The following SDK1 variants were observed in gnomAD, a reference collection of about 807,000 sequenced individuals.
SDK1 encodes protein sidekick-1.
Under a neutral mutation model 245.5 loss-of-function variants are expected in SDK1, and 157 were observed. The observed-to-expected ratio is 0.64, with a 90% CI of 0.56 to 0.73. SDK1 has a LOEUF of 0.73. SDK1 is among the 30% of genes least tolerant of loss of function. The pLI is 0.00. For synonymous variants in SDK1, 1,647 were observed against 1,278.5 expected, an observed-to-expected ratio of 1.29 and a Z score of -6.15; for missense variants, 3,583 against 3,002.3, an observed-to-expected ratio of 1.19 and a Z score of -4.52.
At chr7:3,845,488 C>CAAAAAAAA (rs369588343) in intron 5 of SDK1, among the ~76,000 whole-genome samples, 2 of 40,192 alleles carry the variant, frequency 5.0e-5, no homozygotes, top group African/African-American at 1.7e-4. Flanking sequence ...GACTCCGTCT[C>CAAAAAAAA]AAAAAAAAAA....
intron 1 of SDK1, among the ~76,000 whole-genome samples, chr7:3,565,351 T>C (rs1362019604): frequency 6.6e-6 from 1 of 152,156 alleles, no homozygotes; most frequent in African/African-American, 2.4e-5. Flanking sequence ...GAGATTGAAA[T>C]GGAGTTTGAG....
chr7:3,922,187 A>G (rs1271050953), intron 5 of SDK1, among the ~76,000 whole-genome samples: 1 of 151,822 alleles, frequency 6.6e-6, no homozygotes, highest in East Asian at 1.9e-4. Flanking sequence ...GACGCCGGAG[A>G]AGGTGAGTCT....
intron 4 of SDK1, among the ~76,000 whole-genome samples, chr7:3,713,940 G>T (rs919395506): frequency 1.3e-5 from 2 of 152,142 alleles, no homozygotes; most frequent in Admixed American, 6.5e-5. Context: ...ATTAATTCAT[G>T]ACTTTATTTA....
chr7:3,388,353 A>T (rs1781661385), intron 1 of SDK1, among the ~76,000 whole-genome samples: 2 of 151,956 alleles, frequency 1.3e-5, no homozygotes, highest in South Asian at 4.2e-4. Flanking sequence ...GATTAAAAAA[A>T]AAATCTCATC....
At chr7:3,416,467 T>C (rs1321772001) in intron 1 of SDK1, among the ~76,000 whole-genome samples, 3 of 150,248 alleles carry the variant, frequency 2.0e-5, no homozygotes, top group Non-Finnish European at 3.0e-5. Context: ...TTCGTTCTTT[T>C]TTTTTTTTTT....
chr7:3,677,855 G>T (rs922498949), intron 4 of SDK1, among the ~76,000 whole-genome samples: 1 of 152,188 alleles, frequency 6.6e-6, no homozygotes, highest in Non-Finnish European at 1.5e-5. Flanking sequence ...TGGATAACCA[G>T]CTGATTTTTT....
intron 22 of SDK1, among the ~76,000 whole-genome samples, chr7:4,092,861 A>G (rs1781897227): frequency 6.6e-6 from 1 of 152,200 alleles, no homozygotes; most frequent in Non-Finnish European, 1.5e-5. Context: ...GCAGCAGAGC[A>G]GGGCAGGGAC....
chr7:3,791,233 A>C (rs1331753181), intron 4 of SDK1, among the ~76,000 whole-genome samples: 4 of 151,988 alleles, frequency 2.6e-5, no homozygotes, highest in Non-Finnish European at 5.9e-5. Context: ...GGTGAAGAGG[A>C]GTGTAACCTA....
intron 4 of SDK1, among the ~76,000 whole-genome samples, chr7:3,666,023 T>C (rs1689905022): frequency 6.6e-6 from 1 of 152,196 alleles, no homozygotes; most frequent in Non-Finnish European, 1.5e-5. Context: ...CCACCACCTT[T>C]GTTCTGGCCA....
intron 22 of SDK1, among the ~76,000 whole-genome samples, chr7:4,086,867 T>C (rs1366430435): frequency 6.6e-6 from 1 of 152,202 alleles, no homozygotes. Context: ...ATAGTCATTT[T>C]GTATTTTTGC....
chr7:3,447,830 G>A (rs1395487071), intron 1 of SDK1, among the ~76,000 whole-genome samples: 1 of 150,620 alleles, frequency 6.6e-6, no homozygotes, highest in Non-Finnish European at 1.5e-5. Flanking sequence ...TCAGCCTCTC[G>A]AGTAGCTGGG....
intron 17 of SDK1, among the ~76,000 whole-genome samples, chr7:4,025,598 G>A (rs764367212): frequency 6.6e-6 from 1 of 152,182 alleles, no homozygotes; most frequent in Non-Finnish European, 1.5e-5. Flanking sequence ...GCTAGCCTAG[G>A]AACCCTGTGA....
chr7:3,737,737 A>G (rs1779358188), intron 4 of SDK1, among the ~76,000 whole-genome samples: 1 of 152,186 alleles, frequency 6.6e-6, no homozygotes, highest in Admixed American at 6.5e-5. Flanking sequence ...CCTGTGAGAC[A>G]AGACAGAAGG....
intron 5 of SDK1, among the ~76,000 whole-genome samples, chr7:3,871,947 G>C (rs574167467): frequency 6.6e-6 from 1 of 152,280 alleles, no homozygotes; most frequent in Non-Finnish European, 1.5e-5. Flanking sequence ...TGTATTTTGT[G>C]GATGTCCCAT....
chr7:3,607,417 T>G (rs942172144), intron 1 of SDK1, among the ~76,000 whole-genome samples: 1 of 152,250 alleles, frequency 6.6e-6, no homozygotes, highest in Non-Finnish European at 1.5e-5. Flanking sequence ...TATATTTTCT[T>G]TGTTTCCTGT....
chr7:4,172,475 C>CAGGAA (rs1562385860), intron 32 of SDK1, among the ~76,000 whole-genome samples: 1 of 152,168 alleles, frequency 6.6e-6, no homozygotes, highest in Non-Finnish European at 1.5e-5. Flanking sequence ...GGTTTTGCCT[C>CAGGAA]GTGAGTAGCA....
chr7:3,678,305 A>G (rs779065061), intron 4 of SDK1, among the ~76,000 whole-genome samples: 31 of 152,240 alleles, frequency 2.0e-4, no homozygotes, highest in Non-Finnish European at 3.8e-4. Context: ...AGACCTAAAC[A>G]GACCTTGTAC....
At chr7:4,088,170 G>A (rs547075564) in intron 22 of SDK1, among the ~76,000 whole-genome samples, 4 of 152,284 alleles carry the variant, frequency 2.6e-5, no homozygotes, top group Admixed American at 2.0e-4. Flanking sequence ...TCAGCCTGGT[G>A]TATTGGTGTT....
chr7:3,723,941 TATAGAGAGAG>T (rs1410233890), intron 4 of SDK1, among the ~76,000 whole-genome samples: 36 of 111,358 alleles, frequency 3.2e-4, no homozygotes, highest in African/African-American at 1.0e-3. Flanking sequence ...TATATATATA[TATAGAGAGAG>T]AGAGAGAGAG....
Sources: allele counts gnomAD v4.1 joint callset (sites outside exome capture counted in the v4.1 genomes callset), GRCh38; gene constraint gnomAD v4.1.1; transcripts MANE v1.5; gene names NCBI Gene and HGNC (gene_info 2026-07-23, HGNC 2026-07-21).